Variants in SLC2A14 observed in about 807,000 individuals in gnomAD.
SLC2A14 encodes solute carrier family 2, facilitated glucose transporter member 14.
Under a neutral mutation model 43.0 loss-of-function variants are expected in SLC2A14, and 13 were observed. The ratio of observed to expected loss-of-function variants is 0.30; its 90% confidence interval spans 0.20 to 0.48. The LOEUF (loss-of-function observed/expected upper bound fraction) is 0.48, where lower values mean the gene tolerates loss of function less well. SLC2A14 is among the 20% of genes least tolerant of loss of function. The pLI, the probability that SLC2A14 is intolerant of heterozygous loss-of-function variation, is 0.99. For synonymous variants in SLC2A14, 190 were observed against 233.8 expected (o/e 0.81, Z 1.71); for missense variants, 428 against 620.4 (o/e 0.69, Z 3.29).
intron 2 of SLC2A14, among the ~76,000 whole-genome samples, chr12:7,859,036 C>A (rs1004183500): frequency 6.6e-6 from 1 of 152,112 alleles, no homozygotes; most frequent in Non-Finnish European, 1.5e-5. Flanking sequence ...TCTCCCTTCA[C>A]CATTTGTTGA....
At chr12:7,869,512 C>A (rs1489638015) in intron 2 of SLC2A14, among the ~76,000 whole-genome samples, 1 of 152,100 alleles carries the variant, frequency 6.6e-6, no homozygotes, top group Admixed American at 6.6e-5. Flanking sequence ...TTACTCTTCA[C>A]GCGTATATAG....
intron 2 of SLC2A14, among the ~76,000 whole-genome samples, chr12:7,846,391 T>C (rs1306661248): frequency 6.6e-6 from 1 of 150,742 alleles, no homozygotes; most frequent in Non-Finnish European, 1.5e-5. Context: ...ATGAAACAAA[T>C]CTCATTATTG....
chr12:7,831,436 G>C, intron 4 of SLC2A14, 168 bp downstream of exon 4: 2 of 985,776 alleles, frequency 2.0e-6, no homozygotes, highest in East Asian at 2.6e-5. Flanking sequence ...GGGTAGTAGA[G>C]CTCCAAGCAA....
At chr12:7,869,056 A>C (rs531735243) in intron 2 of SLC2A14, among the ~76,000 whole-genome samples, 1 of 151,876 alleles carries the variant, frequency 6.6e-6, no homozygotes, top group South Asian at 2.1e-4. Flanking sequence ...AGGCAGAAGA[A>C]TCGTTTGAAC....
chr12:7,878,648 T>C (rs1438315874), intron 1 of SLC2A14, among the ~76,000 whole-genome samples: 1 of 151,964 alleles, frequency 6.6e-6, no homozygotes, highest in South Asian at 2.1e-4. Flanking sequence ...AATAAAAACA[T>C]AGTGAAATAT....
intron 7 of SLC2A14, among the ~76,000 whole-genome samples, chr12:7,822,681 A>AAAAG (rs1555119151): frequency 1.1e-4 from 17 of 151,650 alleles, no homozygotes; most frequent in African/African-American, 4.1e-4. Flanking sequence ...AAAAAAAAAA[A>AAAAG]AAAGAAAGTG....
intron 2 of SLC2A14, among the ~76,000 whole-genome samples, chr12:7,856,790 C>T (rs1346187871): frequency 6.6e-6 from 1 of 151,796 alleles, no homozygotes; most frequent in African/African-American, 2.4e-5. Context: ...AGAGTGGGAT[C>T]AGGAAATCTG....
chr12:7,836,882 A>G (rs1865504507), intron 2 of SLC2A14, among the ~76,000 whole-genome samples: 1 of 151,834 alleles, frequency 6.6e-6, no homozygotes, highest in Admixed American at 6.6e-5. Flanking sequence ...AAAAAGAAAC[A>G]TATTGGCCAG....
chr12:7,817,147 G>A (rs1332315308), intron 10 of SLC2A14, among the ~76,000 whole-genome samples: 1 of 151,786 alleles, frequency 6.6e-6, no homozygotes, highest in Non-Finnish European at 1.5e-5. Context: ...CGGAGTTTCT[G>A]TCTTGTTGCC....
At chr12:7,844,519 T>C (rs1288588662) in intron 2 of SLC2A14, among the ~76,000 whole-genome samples, 2 of 151,378 alleles carry the variant, frequency 1.3e-5, no homozygotes, top group African/African-American at 4.9e-5. Context: ...GGGTTGCTAT[T>C]TTTTGCCAGT....
rs71451920 is a variant in SLC2A14, at chr12:7,827,099, T to TTCTCTTTCTC, written c.864+395_864+396insGAGAAAGAGA. ...TCTTTCTTTCTTTCTTTCTTTCTCT[T>TTCTCTTTCTC]TCTTTCTTTCTTTCTTTTTATTTCT... is the stretch of plus-strand genomic sequence containing the variant. On this transcript the variant is annotated intron_variant, in intron 7 of 10. Transcript: ENST00000431042. 5.1e-3 allele frequency among the ~76,000 whole-genome samples: 685 copies of TTCTCTTTCTC among 133,384 alleles called. 8 individuals are homozygous for TTCTCTTTCTC. The highest frequency in any genetic ancestry group is 0.017 in the African/African-American group (543 of 32,668). 87.5% of individuals were successfully genotyped at this position (133,384 alleles called of 152,430 possible).
intron 2 of SLC2A14, among the ~76,000 whole-genome samples, chr12:7,860,146 C>T (rs984947026): frequency 1.3e-5 from 2 of 152,118 alleles, no homozygotes; most frequent in African/African-American, 2.4e-5. Context: ...CCTCCCAGTA[C>T]TGGCCCTGGA....
At chr12:7,815,582 T>C (rs1462027839) in intron 10 of SLC2A14, among the ~76,000 whole-genome samples, 1 of 152,186 alleles carries the variant, frequency 6.6e-6, no homozygotes, top group African/African-American at 2.4e-5. Flanking sequence ...TTTGTTTTGT[T>C]TTGTTTTTTT....
chr12:7,883,079 G>A (rs941603184), intron 1 of SLC2A14, among the ~76,000 whole-genome samples: 1 of 151,322 alleles, frequency 6.6e-6, no homozygotes, highest in Non-Finnish European at 1.5e-5. Context: ...CATGGTGGTG[G>A]GCACCTGTAA....
chr12:7,864,146 G>A (rs1371081837), intron 2 of SLC2A14, among the ~76,000 whole-genome samples: 2 of 151,938 alleles, frequency 1.3e-5, no homozygotes, highest in Admixed American at 1.3e-4. Flanking sequence ...GCTTACTGCT[G>A]AATTTTGAGA....
At position 7,829,880 on chromosome 12, in the gene SLC2A14, T is replaced by C. The variant is rs747130947; in HGVS notation, c.399A>G (p.Gly133=). ...LGRLVIGLFC[G]LCTGFVPMYI... is the part of the protein sequence containing the mutation. ...ACATGGGCACAAAACCTGTGCAGAG[T>C]CCGCAGAAGAGGCCAATAACCAAGC... The change falls in exon 5 of 11, where the codon GGA becomes GGG. Residue 133 remains glycine, a synonymous_variant. Coordinates refer to ENST00000431042, the MANE Select transcript of SLC2A14 (RefSeq NM_001286234.2). The C allele has an allele frequency of 1.9e-6, 3 of 1,613,980 alleles. No individual in the cohort carries two copies. Among genetic ancestry groups the C allele is most frequent in the Non-Finnish European group, 2.5e-6 (3 of 1,179,992 alleles).
At chr12:7,814,561 G>C (rs765030816) in intron 10 of SLC2A14, 27 bp from the exon 11 acceptor site, 1 of 1,596,360 alleles carries the variant, frequency 6.3e-7, no homozygotes, top group East Asian at 2.3e-5. Flanking sequence ...AAAAAGGAAG[G>C]TTGATATAAA....
At chr12:7,839,920 T>C (rs965723875) in intron 2 of SLC2A14, 3 of 197,806 alleles carry the variant, frequency 1.5e-5, no homozygotes, top group Admixed American at 9.2e-5. Flanking sequence ...AGACCCTGTC[T>C]CTACAAAAAA....
chr12:7,880,755 C>A (rs1945555552), intron 1 of SLC2A14, among the ~76,000 whole-genome samples: 1 of 151,002 alleles, frequency 6.6e-6, no homozygotes, highest in Non-Finnish European at 1.5e-5. Context: ...GCTTGTAATC[C>A]CTGCACTTTG....
Sources: gnomAD v4.1 joint callset for allele counts (sites outside exome capture counted in the v4.1 genomes callset) on GRCh38, gnomAD v4.1.1 for gene constraint, MANE v1.5 for transcripts, NCBI Gene and HGNC (gene_info 2026-07-23, HGNC 2026-07-21) for gene names.